The following NBAS variants were observed in gnomAD, a reference collection of about 807,000 sequenced individuals.
NBAS encodes the protein NAG/BC035112 fusion.
A neutral mutation model predicts 302.5 loss-of-function variants in NBAS; 219 were observed. The observed-to-expected ratio is 0.72, with a 90% CI of 0.65 to 0.81. NBAS has a LOEUF of 0.81. NBAS is among the 30% of genes least tolerant of loss of function. NBAS has a pLI of 0.00. For synonymous variants in NBAS, 1,118 were observed against 1,021.6 expected (o/e 1.09, Z -1.80); for missense variants, 2,932 against 2,841.6 (o/e 1.03, Z -0.72).
At chr2:15,216,892 C>T (rs1666678101) in intron 48 of NBAS, among the ~76,000 whole-genome samples, 3 of 152,158 alleles carry the variant, frequency 2.0e-5, no homozygotes, top group South Asian at 4.1e-4. Context: ...GTGAAACTGA[C>T]CGAGGTCGAG....
At chr2:15,439,023 C>T (rs1009206782) in intron 21 of NBAS, among the ~76,000 whole-genome samples, 25 of 152,080 alleles carry the variant, frequency 1.6e-4, no homozygotes, top group African/African-American at 3.4e-4. Context: ...CGGCCGGGCA[C>T]GGTGGCTCAT....
chr2:14,969,479 C>T, the NBAS span, among the ~76,000 whole-genome samples: 7 of 152,028 alleles, frequency 4.6e-5, no homozygotes, highest in East Asian at 3.9e-4. Flanking sequence ...CGGGTTCAAG[C>T]GACCCTCCTG....
the NBAS span, among the ~76,000 whole-genome samples, chr2:15,105,810 C>T: frequency 6.6e-6 from 1 of 152,068 alleles, no homozygotes; most frequent in East Asian, 1.9e-4. Flanking sequence ...TCAAACATGT[C>T]CAGATCGTAT....
intron 40 of NBAS, among the ~76,000 whole-genome samples, chr2:15,300,678 A>C (rs1670756332): frequency 6.6e-6 from 1 of 152,234 alleles, no homozygotes; most frequent in Non-Finnish European, 1.5e-5. Flanking sequence ...TGATACAGGA[A>C]GCAAGAGAAT....
chr2:14,962,467 C>G, the NBAS span, among the ~76,000 whole-genome samples: 2 of 152,116 alleles, frequency 1.3e-5, no homozygotes, highest in South Asian at 4.1e-4. Flanking sequence ...AAAGAATCTA[C>G]CCAGATTCTC....
chr2:15,111,204 A>G, the NBAS span, among the ~76,000 whole-genome samples: 1 of 152,174 alleles, frequency 6.6e-6, no homozygotes. Context: ...GGAATGTAGT[A>G]TAAGATTTTG....
the NBAS span, among the ~76,000 whole-genome samples, chr2:15,043,261 T>C: frequency 2.0e-5 from 3 of 152,094 alleles, no homozygotes; most frequent in African/African-American, 7.2e-5. Context: ...AACCGGGACA[T>C]TGCCTCCCTG....
the NBAS span, among the ~76,000 whole-genome samples, chr2:14,990,834 G>C: frequency 3.9e-5 from 6 of 152,272 alleles, no homozygotes; most frequent in African/African-American, 1.2e-4. Flanking sequence ...AGTGTGTATA[G>C]AGAACATGAG....
chr2:15,474,349 G>A, intron 14 of NBAS, 25 bp from the exon 15 acceptor site: 1 of 1,594,132 alleles, frequency 6.3e-7, no homozygotes, highest in Non-Finnish European at 8.6e-7. Flanking sequence ...GAGATTTGAA[G>A]TTAATAGTAA....
chr2:14,964,234 G>A, the NBAS span, among the ~76,000 whole-genome samples: 2 of 152,286 alleles, frequency 1.3e-5, no homozygotes, highest in Middle Eastern at 3.4e-3. Flanking sequence ...TGACACAGAC[G>A]TTGGGATTAG....
chr2:15,329,650 T>C (rs1672231190), intron 36 of NBAS, among the ~76,000 whole-genome samples: 1 of 152,196 alleles, frequency 6.6e-6, no homozygotes, highest in Admixed American at 6.5e-5. Context: ...TCTCATCTCC[T>C]ACCATTCTCC....
At chr2:15,320,801 T>G (rs905054088) in intron 38 of NBAS, among the ~76,000 whole-genome samples, 3 of 152,064 alleles carry the variant, frequency 2.0e-5, no homozygotes, top group African/African-American at 7.2e-5. Flanking sequence ...ATCAATATAG[T>G]GAAAATGGCC....
At chr2:15,485,098 T>C (rs1023915995) in intron 12 of NBAS, among the ~76,000 whole-genome samples, 3 of 152,068 alleles carry the variant, frequency 2.0e-5, no homozygotes, top group Non-Finnish European at 4.4e-5. Flanking sequence ...TCTAGATATC[T>C]ATTAGAAAGC....
At chr2:14,833,776 C>T in the NBAS span, among the ~76,000 whole-genome samples, 1 of 151,970 alleles carries the variant, frequency 6.6e-6, no homozygotes, top group Non-Finnish European at 1.5e-5. Flanking sequence ...TGTCAACTGA[C>T]CCCCGAGACT....
At chr2:15,251,244 G>A (rs1352321840) in intron 44 of NBAS, among the ~76,000 whole-genome samples, 1 of 152,162 alleles carries the variant, frequency 6.6e-6, no homozygotes, top group Non-Finnish European at 1.5e-5. Context: ...ACTTATAAGT[G>A]GGAGCTGAAC....
intron 11 of NBAS, among the ~76,000 whole-genome samples, chr2:15,498,610 C>T (rs1043724610): frequency 5.9e-5 from 9 of 152,132 alleles, no homozygotes; most frequent in African/African-American, 2.2e-4. Context: ...TGCGTCCCCA[C>T]CCAAATCCCA....
the NBAS span, among the ~76,000 whole-genome samples, chr2:14,991,794 T>C: frequency 3.7e-4 from 56 of 152,312 alleles, no homozygotes; most frequent in African/African-American, 1.3e-3. Flanking sequence ...TTCCAGGTGG[T>C]TGGTGTACAG....
At chr2:15,243,951 A>C (rs1667974611) in intron 44 of NBAS, among the ~76,000 whole-genome samples, 1 of 152,212 alleles carries the variant, frequency 6.6e-6, no homozygotes, top group African/African-American at 2.4e-5. Context: ...GGAAGAGATA[A>C]AACAAGGGCG....
At chr2:15,120,510 T>A in the NBAS span, among the ~76,000 whole-genome samples, 4 of 146,196 alleles carry the variant, frequency 2.7e-5, no homozygotes, top group Non-Finnish European at 5.9e-5. Flanking sequence ...TCTCATCTTT[T>A]CAGGTTAAAA....
Sources: gnomAD v4.1 joint callset for allele counts (sites outside exome capture counted in the v4.1 genomes callset) on GRCh38, gnomAD v4.1.1 for gene constraint, MANE v1.5 for transcripts, NCBI Gene and HGNC (gene_info 2026-07-23, HGNC 2026-07-21) for gene names.